The following LCOR variants were observed in gnomAD, a reference collection of about 807,000 sequenced individuals.
LCOR encodes ligand-dependent corepressor.
Under a neutral mutation model 64.4 loss-of-function variants are expected in LCOR, and 14 were observed. The observed-to-expected ratio is 0.22, with a 90% CI of 0.14 to 0.34. LCOR has a LOEUF of 0.34. Ranked by LOEUF, LCOR falls within the 10% of genes least tolerant of loss-of-function variation. The pLI is 1.00. For synonymous variants in LCOR, 643 were observed against 642.5 expected, an observed-to-expected ratio of 1.00 and a Z score of -0.01; for missense variants, 1,686 against 1,765.3, an observed-to-expected ratio of 0.96 and a Z score of 0.80.
At chr10:96,897,232 T>C (rs1589640267) in intron 2 of LCOR, among the ~76,000 whole-genome samples, 1 of 152,120 alleles carries the variant, frequency 6.6e-6, no homozygotes, top group African/African-American at 2.4e-5. Flanking sequence ...TGAATACATA[T>C]GTTATTGTTT....
At chr10:96,979,460 C>T (rs1220045118) in intron 7 of LCOR, among the ~76,000 whole-genome samples, 1 of 152,226 alleles carries the variant, frequency 6.6e-6, no homozygotes, top group African/African-American at 2.4e-5. Context: ...TTGAGTCTAG[C>T]ATCACCCTTT....
At chr10:96,956,722 C>G in intron 7 of LCOR, 1 of 985,768 alleles carries the variant, frequency 1.0e-6, no homozygotes, top group Non-Finnish European at 1.2e-6. Context: ...AGCCTTATCT[C>G]ATGGAGGACG....
chr10:96,948,039 A>G (rs1847617480), intron 5 of LCOR, among the ~76,000 whole-genome samples: 1 of 152,128 alleles, frequency 6.6e-6, no homozygotes, highest in African/African-American at 2.4e-5. Context: ...ATTGACTATT[A>G]TAGTGTGGTA....
intron 7 of LCOR, among the ~76,000 whole-genome samples, chr10:96,974,172 A>C (rs1180137606): frequency 2.0e-5 from 3 of 152,222 alleles, no homozygotes; most frequent in Admixed American, 2.0e-4. Context: ...TCCTTTTACC[A>C]CACCCTTAAC....
chr10:96,933,859 C>T (rs1236135201), intron 4 of LCOR, among the ~76,000 whole-genome samples: 3 of 152,158 alleles, frequency 2.0e-5, no homozygotes, highest in Non-Finnish European at 4.4e-5. Context: ...AAAAGATACA[C>T]TTGGATTTTT....
chr10:96,917,650 A>G (rs1846977757), intron 4 of LCOR, among the ~76,000 whole-genome samples: 1 of 152,194 alleles, frequency 6.6e-6, no homozygotes, highest in Non-Finnish European at 1.5e-5. Context: ...GATGTAGTAC[A>G]GAAGGATTTA....
chr10:96,920,790 A>ACACG lies in LCOR; in HGVS notation c.-184+13044_-184+13045insACGC, dbSNP rs763958510. Reference sequence around the variant, plus strand: ...CACACACACACACACACACACACACACGCGCGGTGGGGGGGTGGTGGGCGG... The same window carrying ACACG: ...CACACACACACACACACACACACACACACGCGCGCGGTGGGGGGGTGGTGGGCGG... On this transcript the variant is annotated intron_variant, in intron 4 of 7. Transcript: ENST00000421806. Among the ~76,000 whole-genome samples, 177 of 85,314 alleles carry ACACG rather than the reference A, an allele frequency of 2.1e-3. 3 individuals are homozygous for ACACG. Among genetic ancestry groups the ACACG allele is most frequent in the Non-Finnish European group, 3.0e-3 (140 of 46,778 alleles). The allele number at this position is 85,314 out of a possible 152,430, so 56.0% of individuals were successfully genotyped here.
At chr10:96,834,944 G>A (rs7894418) in intron 2 of LCOR, among the ~76,000 whole-genome samples, 21,399 of 152,008 alleles carry the variant, frequency 0.14, 2,065 homozygotes, top group African/African-American at 0.27. Flanking sequence ...TCTTTTGCCC[G>A]GGCTGGAGTG....
chr10:96,884,670 C>T lies in LCOR; in HGVS notation c.-329-22595C>T, dbSNP rs758826157. On this transcript the variant is annotated intron_variant, in intron 2 of 7. Transcript: ENST00000421806. ...GTCTGGGTTGAGGTATAAGAATTTA[C>T]ATTTCTGTGGAACAAGCTGCCCGAT... is the stretch of plus-strand genomic sequence containing the variant. Among the ~76,000 whole-genome samples the T allele has an allele frequency of 2.0e-5, 3 of 152,348 alleles. No individual in the cohort carries two copies. The South Asian group carries it at 6.2e-4, about 32-fold the overall frequency.
intron 2 of LCOR, among the ~76,000 whole-genome samples, chr10:96,876,037 G>A (rs1414177460): frequency 6.7e-6 from 1 of 149,324 alleles, no homozygotes; most frequent in Non-Finnish European, 1.5e-5. Flanking sequence ...AGTAAAAGAA[G>A]TAGAAGCAAC....
intron 4 of LCOR, among the ~76,000 whole-genome samples, chr10:96,916,054 C>T (rs1483344464): frequency 1.3e-5 from 2 of 151,996 alleles, no homozygotes; most frequent in Admixed American, 6.5e-5. Context: ...TATTTAGAGA[C>T]GGAGTCTCGT....
intron 4 of LCOR, among the ~76,000 whole-genome samples, chr10:96,927,486 T>A (rs866659008): frequency 9.2e-5 from 14 of 152,098 alleles, no homozygotes; most frequent in Non-Finnish European, 1.8e-4. Context: ...AGTTTATCAA[T>A]CTTTTTCTCT....
Position 96,956,818 on chromosome 10 carries a change from ATTC to A in LCOR, c.332+4626_332+4628del, listed in dbSNP as rs971411467. On this transcript the variant is annotated intron_variant, in intron 7 of 7. Transcript: ENST00000421806. ...ATTTTAGCAAACTAGGTTTCTTTGT[ATTC>A]TTCAGTCCTTTTACAGAATTGATGT... The A allele has an allele frequency of 6.1e-6, 6 of 985,830 alleles. No homozygotes were observed. In the African/African-American group the frequency reaches 8.7e-5, roughly 14 times the overall value. The allele number at this position is 985,830 out of a possible 1,614,324, so 61.1% of individuals were successfully genotyped here. A position where few individuals can be genotyped will look rare whatever the true frequency, so the allele number is the denominator to read the frequency against.
intron 2 of LCOR, among the ~76,000 whole-genome samples, chr10:96,844,845 C>G (rs1845600141): frequency 6.6e-6 from 1 of 152,294 alleles, no homozygotes; most frequent in South Asian, 2.1e-4. Context: ...GGCCTTTTAA[C>G]AGTGTAGCTG....
chr10:96,832,762 T>G, intron 1 of LCOR, among the ~76,000 whole-genome samples: 1 of 150,054 alleles, frequency 6.7e-6, no homozygotes, highest in East Asian at 2.0e-4. Flanking sequence ...CGCCGGCTTA[T>G]TGTGGCGACT....
chr10:96,908,517 T>A (rs566510716), intron 4 of LCOR, among the ~76,000 whole-genome samples: 1 of 152,328 alleles, frequency 6.6e-6, no homozygotes, highest in South Asian at 2.1e-4. Flanking sequence ...TGGGCATGAA[T>A]GCTATTATTT....
chr10:96,971,689 A>G (rs1347491918), intron 7 of LCOR, among the ~76,000 whole-genome samples: 2 of 152,194 alleles, frequency 1.3e-5, no homozygotes, highest in Non-Finnish European at 2.9e-5. Flanking sequence ...GAAGTTGGCA[A>G]TTCTGGATAA....
Position 96,989,343 on chromosome 10 carries a change from G to A in LCOR, c.*4209G>A, listed in dbSNP as rs1053717709. On this transcript the variant is annotated 3_prime_UTR_variant, in exon 8 of 8. Transcript: ENST00000421806. Reference sequence around the variant, plus strand: ...TTTCTTGTTTATTAAAGTAAGCCAAGATTTTGTTTCTGGTAAAATTAGTTG... The same window carrying A: ...TTTCTTGTTTATTAAAGTAAGCCAAAATTTTGTTTCTGGTAAAATTAGTTG... 6.8e-6 allele frequency: 1 copy of A among 148,144 alleles called. No individual in the cohort carries two copies. The highest frequency in any genetic ancestry group is 2.1e-4 in the South Asian group (1 of 4,808). The allele number at this position is 148,144 out of a possible 1,614,324, so 9.2% of individuals were successfully genotyped here.
intron 4 of LCOR, among the ~76,000 whole-genome samples, chr10:96,916,970 G>T (rs1846962747): frequency 6.6e-6 from 1 of 152,204 alleles, no homozygotes; most frequent in South Asian, 2.1e-4. Flanking sequence ...ATTAATACGT[G>T]TTAATTAGGT....
Sources: gnomAD v4.1 joint callset for allele counts (sites outside exome capture counted in the v4.1 genomes callset) on GRCh38, gnomAD v4.1.1 for gene constraint, MANE v1.5 for transcripts, NCBI Gene and HGNC (gene_info 2026-07-23, HGNC 2026-07-21) for gene names.